Variants in TJP1 observed in about 807,000 individuals in gnomAD.
TJP1 encodes tight junction protein ZO-1.
TJP1 carries 43 observed loss-of-function variants against 194.2 expected under a neutral mutation model. The observed-to-expected ratio is 0.22, with a 90% CI of 0.17 to 0.29. The LOEUF (loss-of-function observed/expected upper bound fraction) is 0.29. Among genes scored for constraint, TJP1 ranks in the 10% least tolerant of loss-of-function variants. TJP1 has a pLI of 1.00. For missense variants in TJP1, 1,971 were observed against 2,185.7 expected, an observed-to-expected ratio of 0.90 and a Z score of 1.96; for synonymous variants, 801 against 779.0, an observed-to-expected ratio of 1.03 and a Z score of -0.47.
intron 2 of TJP1, among the ~76,000 whole-genome samples, chr15:29,778,136 C>T (rs575320302): frequency 2.6e-5 from 4 of 152,168 alleles, no homozygotes; most frequent in South Asian, 4.2e-4. Flanking sequence ...AATGCAGTTC[C>T]GGCACCTAGT....
exon 2 of TJP1, chr15:29,956,237 G>A: frequency 7.8e-7 from 1 of 1,286,706 alleles, no homozygotes. Context: ...CTTACAGTGA[G>A]CTCACAGAAA....
At chr15:29,775,326 G>A (rs1471283537) in intron 2 of TJP1, among the ~76,000 whole-genome samples, 29 of 145,068 alleles carry the variant, frequency 2.0e-4, no homozygotes, top group African/African-American at 1.3e-4. Flanking sequence ...ATTTAATACA[G>A]AAAAAAAAAA....
At chr15:29,817,323 C>G (rs1315300351) in intron 1 of TJP1, among the ~76,000 whole-genome samples, 1 of 152,126 alleles carries the variant, frequency 6.6e-6, no homozygotes, top group Non-Finnish European at 1.5e-5. Flanking sequence ...ATTAGAAAGT[C>G]AGGAAACAAC....
chr15:29,704,901 A>G (rs2041795650), intron 26 of TJP1, among the ~76,000 whole-genome samples: 1 of 152,256 alleles, frequency 6.6e-6, no homozygotes, highest in Non-Finnish European at 1.5e-5. Flanking sequence ...GTATTCCGGC[A>G]AAATACAAAA....
intron 1 of TJP1, among the ~76,000 whole-genome samples, chr15:29,966,625 T>C (rs2056342988): frequency 6.6e-6 from 1 of 151,504 alleles, no homozygotes; most frequent in Non-Finnish European, 1.5e-5. Flanking sequence ...CAAATATTTA[T>C]TGAGAAGCTT....
rs2048721345 is a variant in TJP1 at position 29,800,635 on chromosome 15, C to T, written c.84+11G>A. ...GTTATACACAGATTACTTACTGCAA[C>T]ACAAACTTACCCTGTGAAGCGTCAC... On this transcript the variant is annotated intron_variant, in intron 2 of 27. Transcript: ENST00000614355. The T allele has an allele frequency of 6.2e-7, 1 of 1,613,684 alleles. No individual in the cohort carries two copies. Among genetic ancestry groups the T allele is most frequent in the Non-Finnish European group, 8.5e-7 (1 of 1,179,772 alleles).
At chr15:29,761,486 T>C in intron 7 of TJP1, 115 bp downstream of exon 7, 1 of 1,368,830 alleles carries the variant, frequency 7.3e-7, no homozygotes, top group East Asian at 2.4e-5. Context: ...ACTTATAGAT[T>C]TTGAAGGTGT....
chr15:29,738,429 A>G (rs1006156346), intron 10 of TJP1, among the ~76,000 whole-genome samples: 8 of 152,182 alleles, frequency 5.3e-5, no homozygotes, highest in Admixed American at 2.6e-4. Flanking sequence ...TAGTCTCTTT[A>G]AGCCAACTAA....
intron 1 of TJP1, among the ~76,000 whole-genome samples, chr15:29,967,865 A>G (rs2056385234): frequency 6.6e-6 from 1 of 152,192 alleles, no homozygotes; most frequent in African/African-American, 2.4e-5. Flanking sequence ...AAAATGACCA[A>G]TGCCATAACT....
At chr15:29,841,910 G>A (rs910939640) in intron 2 of TJP1, among the ~76,000 whole-genome samples, 2 of 152,072 alleles carry the variant, frequency 1.3e-5, no homozygotes, top group Admixed American at 1.3e-4. Context: ...CATCATAACT[G>A]GGGCTTTTTA....
chr15:29,959,277 A>C (rs2152317765), intron 1 of TJP1, among the ~76,000 whole-genome samples: 1 of 149,850 alleles, frequency 6.7e-6, no homozygotes, highest in South Asian at 2.1e-4. Flanking sequence ...GGTGTGAGCT[A>C]CCACGCCTGG....
chr15:29,879,223 G>A (rs2052833150), intron 2 of TJP1, among the ~76,000 whole-genome samples: 2 of 152,206 alleles, frequency 1.3e-5, no homozygotes, highest in East Asian at 3.9e-4. Flanking sequence ...GGCTAAAATA[G>A]GCTAAAGAGA....
intron 2 of TJP1, among the ~76,000 whole-genome samples, chr15:29,918,738 CAA>C (rs202112334): frequency 0.016 from 2,257 of 141,394 alleles, 58 homozygotes; most frequent in African/African-American, 0.054. Flanking sequence ...GAACATATCT[CAA>C]AAAAAAAAAG....
chr15:29,777,763 A>T (rs905630994), intron 2 of TJP1, among the ~76,000 whole-genome samples: 10 of 152,208 alleles, frequency 6.6e-5, no homozygotes. Flanking sequence ...CCCTAAAGAT[A>T]CACATACCTC....
At chr15:29,757,276 A>C (rs956653814) in intron 8 of TJP1, among the ~76,000 whole-genome samples, 1 of 152,242 alleles carries the variant, frequency 6.6e-6, no homozygotes, top group African/African-American at 2.4e-5. Flanking sequence ...ATCTAGGAAG[A>C]GAACAGGGCA....
chr15:29,921,815 C>T (rs1277441213), intron 2 of TJP1, among the ~76,000 whole-genome samples: 2 of 151,870 alleles, frequency 1.3e-5, no homozygotes, highest in Non-Finnish European at 2.9e-5. Context: ...ATATTTGCTT[C>T]ATTATCCCAT....
At chr15:29,881,952 TATAG>T (rs1187842563) in intron 2 of TJP1, among the ~76,000 whole-genome samples, 2 of 151,360 alleles carry the variant, frequency 1.3e-5, no homozygotes, top group Admixed American at 6.6e-5. Context: ...TATAGATATA[TATAG>T]ATATATATAT....
chr15:29,720,771 C>CAAA, intron 18 of TJP1, 63 bp from the exon 19 acceptor site: 2 of 1,273,048 alleles, frequency 1.6e-6, no homozygotes, highest in South Asian at 3.0e-5. Flanking sequence ...TGGCCTTTAT[C>CAAA]GTACAAGGCA....
At chr15:29,924,583 T>A (rs2054468515) in intron 2 of TJP1, among the ~76,000 whole-genome samples, 1 of 152,202 alleles carries the variant, frequency 6.6e-6, no homozygotes, top group Admixed American at 6.5e-5. Context: ...ATATTATACA[T>A]TTCTACAACA....
Sources: gnomAD v4.1 joint callset for allele counts (sites outside exome capture counted in the v4.1 genomes callset) on GRCh38, gnomAD v4.1.1 for gene constraint, MANE v1.5 for transcripts, NCBI Gene and HGNC (gene_info 2026-07-23, HGNC 2026-07-21) for gene names.